LAMA3: variants seen among roughly 807,000 people sequenced by gnomAD.
The protein encoded by LAMA3 is laminin subunit alpha 3, also known as laminin subunit alpha-3.
LAMA3 carries 281 observed loss-of-function variants against 402.0 expected under a neutral mutation model. The ratio of observed to expected loss-of-function variants is 0.70; its 90% CI spans 0.63 to 0.77. The LOEUF is 0.77. Ranked by LOEUF, LAMA3 falls within the 30% of genes least tolerant of loss-of-function variation. The probability of loss-of-function intolerance (pLI) is 0.00; values close to 1 mark genes in which losing one functional copy is unlikely to be tolerated. For synonymous variants in LAMA3, 1,431 were observed against 1,558.4 expected (o/e 0.92, Z 1.93); for missense variants, 3,840 against 4,215.5 (o/e 0.91, Z 2.47).
At chr18:23,941,021 C>T (rs1394092864) in intron 68 of LAMA3, among the ~76,000 whole-genome samples, 3 of 151,598 alleles carry the variant, frequency 2.0e-5, no homozygotes, top group Admixed American at 1.3e-4. Context: ...CTGCAACTTC[C>T]ACCTCCTGGG....
At chr18:23,753,038 G>A (rs984366020) in intron 5 of LAMA3, among the ~76,000 whole-genome samples, 1 of 152,234 alleles carries the variant, frequency 6.6e-6, no homozygotes, top group Admixed American at 6.5e-5. Flanking sequence ...CAGCACTGCA[G>A]AGGCCTCCAA....
Position 23,842,659 on chromosome 18 carries a change from A to G in LAMA3, c.3512A>G (p.Gln1171Arg). Residue 1171 changes from glutamine (Q) to arginine (R), a missense_variant, in exon 29 of 75, where the codon CAA becomes CGA. Physicochemically the swap from Gln to Arg is conservative, Grantham distance 43. Coordinates refer to ENST00000313654, the MANE Select transcript of LAMA3 (RefSeq NM_198129.4). ...CCCCATGTGCTTGGCTGCCGGGATC[A>G]AGTGATTGCCGAAGGCCAGATTGAG... ...FCPHVLGCRD[Q>R]VIAEGQIEFD... 1 of 1,614,140 alleles carries G rather than the reference A, an allele frequency of 6.2e-7. No homozygotes were observed. The highest frequency in any genetic ancestry group is 1.6e-4 in the Middle Eastern group (1 of 6,062).
rs1337550181 is a variant in LAMA3, at chr18:23,840,576, G to A, written c.3336+647G>A. ...TTTTTTTTTAAATTTCTGTAGAGGTGGGATCTTGCTATGTTGCCCAGGTTG... is the reference window on the plus strand; with the variant it reads ...TTTTTTTTTAAATTTCTGTAGAGGTAGGATCTTGCTATGTTGCCCAGGTTG... On this transcript the variant is annotated intron_variant, in intron 27 of 74. Transcript: ENST00000313654. Among the ~76,000 whole-genome samples, 8 of 151,592 alleles carry A rather than the reference G, an allele frequency of 5.3e-5. No homozygotes were observed. In the East Asian group the frequency reaches 1.4e-3, roughly 26 times the overall value.
chr18:23,934,048 G>C (rs187449185), intron 67 of LAMA3, 113 bp downstream of exon 67: 16 of 985,608 alleles, frequency 1.6e-5, no homozygotes, highest in Admixed American at 5.1e-5. Flanking sequence ...CATAAAGTGG[G>C]ATTGATGCAT....
intron 12 of LAMA3, among the ~76,000 whole-genome samples, chr18:23,808,295 T>G (rs1349677310): frequency 1.3e-5 from 2 of 152,130 alleles, no homozygotes; most frequent in African/African-American, 4.8e-5. Flanking sequence ...ATTTCTAGAT[T>G]ACTTATAATA....
At chr18:23,807,634 T>C (rs892553710) in intron 12 of LAMA3, among the ~76,000 whole-genome samples, 6 of 152,046 alleles carry the variant, frequency 3.9e-5, no homozygotes, top group Non-Finnish European at 8.8e-5. Context: ...GCATCTTGAG[T>C]CCAAAGGCAA....
intron 55 of LAMA3, among the ~76,000 whole-genome samples, chr18:23,910,124 A>T (rs112848994): frequency 1.3e-3 from 202 of 152,376 alleles, no homozygotes; most frequent in African/African-American, 4.4e-3. Flanking sequence ...ATAAGAATGT[A>T]TGCTAGCTTT....
intron 1 of LAMA3, among the ~76,000 whole-genome samples, chr18:23,704,155 G>A (rs372526672): frequency 4.0e-4 from 61 of 152,306 alleles, no homozygotes; most frequent in African/African-American, 1.5e-3. Context: ...TTATCTTGCC[G>A]GGCTTTTTGT....
At chr18:23,829,522 G>T (rs900347186) in intron 23 of LAMA3, among the ~76,000 whole-genome samples, 5 of 152,186 alleles carry the variant, frequency 3.3e-5, no homozygotes, top group Non-Finnish European at 5.9e-5. Context: ...TGACACTGAA[G>T]ATAGGAGATT....
Position 23,914,560 on chromosome 18 carries a change from AG to A in LAMA3, c.7481+1del. ...AGTTATGGATCGGGTGAAATTTCAG[AG>A]GTACAAGTCTGATTGACTGTACCTG... ...EAVMDRVKFQ[R>X]IYQFARLNYT... On this transcript the variant is annotated frameshift_variant and splice_region_variant, in exon 57 of 75. Transcript: ENST00000313654. LOFTEE classifies it high-confidence loss of function. 1 of 1,614,054 alleles carries A rather than the reference AG, an allele frequency of 6.2e-7. No homozygotes were observed. Among genetic ancestry groups the A allele is most frequent in the Non-Finnish European group, 8.5e-7 (1 of 1,179,964 alleles).
At chr18:23,746,357 G>A (rs138158893) in intron 2 of LAMA3, among the ~76,000 whole-genome samples, 8 of 152,296 alleles carry the variant, frequency 5.3e-5, no homozygotes, top group Non-Finnish European at 1.0e-4. Context: ...AAGTATGGAT[G>A]AGAACCTGTG....
Position 23,846,458 on chromosome 18 carries a change from G to T in LAMA3, c.3881G>T (p.Arg1294Leu), listed in dbSNP as rs547742221. 6.2e-7 allele frequency: 1 copy of T among 1,613,160 alleles called. No homozygotes were observed. The highest frequency in any genetic ancestry group is 8.5e-7 in the Non-Finnish European group (1 of 1,180,026). ...QCPCQPNVIG[R>L]QCTRCATGHY... Reference sequence around the variant, plus strand: ...CCATGCCAGCCCAACGTCATCGGGCGGCAGTGCACCCGCTGTGCAACAGGC... The same window carrying T: ...CCATGCCAGCCCAACGTCATCGGGCTGCAGTGCACCCGCTGTGCAACAGGC... The change falls in exon 31 of 75, where the codon CGG (arginine) becomes CTG (leucine). Residue 1294 changes from arginine (R) to leucine (L), a missense_variant. Arg to Leu is a moderately radical substitution (Grantham distance 102). Around this residue, in one of 3 missense-constraint regions of LAMA3, gnomAD observed 2,109 missense variants for 2,376.0 expected, o/e 0.89. Transcript: ENST00000313654.
At chr18:23,919,766 C>G (rs1386063063) in intron 60 of LAMA3, among the ~76,000 whole-genome samples, 2 of 151,874 alleles carry the variant, frequency 1.3e-5, no homozygotes, top group Non-Finnish European at 2.9e-5. Context: ...GAGGCAGATG[C>G]CACGCAGCAT....
rs1377035956 is a variant in LAMA3 at position 23,951,721 on chromosome 18, C to T, written c.9680C>T (p.Ser3227Leu). The T allele has an allele frequency of 6.2e-7, 1 of 1,613,940 alleles. No homozygotes were observed. The highest frequency in any genetic ancestry group is 8.5e-7 in the Non-Finnish European group (1 of 1,179,946). The change falls in exon 73 of 75, where the codon TCA becomes TTA. Residue 3227 changes from serine (S) to leucine (L), a missense_variant. Coordinates refer to ENST00000313654, the MANE Select transcript of LAMA3 (RefSeq NM_198129.4). ...ATGGACAGTGGGGCAGGTGGGACCTCAACGTCGGTCACACCAAAGCAGTCT... is the reference window on the plus strand; with the variant it reads ...ATGGACAGTGGGGCAGGTGGGACCTTAACGTCGGTCACACCAAAGCAGTCT... ...ASMDSGAGGTSTSVTPKQSLC... is the reference protein window; with the variant it reads ...ASMDSGAGGTLTSVTPKQSLC...
In LAMA3 at chr18:23,837,067, G is replaced by C. The variant is rs2063597251; in HGVS notation, c.3071G>C (p.Gly1024Ala). Reference sequence around the variant, plus strand: ...GCAGATGCAGACATTCAGCTCAAGGGACACATGGCCCGATTCCTTCTGGTA... The same window carrying C: ...GCAGATGCAGACATTCAGCTCAAGGCACACATGGCCCGATTCCTTCTGGTA... ...LLADADIQLK[G>A]HMARFLLHQV... Residue 1024 changes from glycine (G) to alanine (A), a missense_variant, in exon 25 of 75, where the codon GGA becomes GCA. Around this residue, in one of 3 missense-constraint regions of LAMA3, gnomAD observed 2,109 missense variants for 2,376.0 expected, o/e 0.89. Transcript: ENST00000313654. The C allele has an allele frequency of 6.2e-7, 1 of 1,612,196 alleles. No individual in the cohort carries two copies. Among genetic ancestry groups the C allele is most frequent in the South Asian group, 1.1e-5 (1 of 91,002 alleles).
intron 8 of LAMA3, among the ~76,000 whole-genome samples, chr18:23,770,796 A>G (rs2062183208): frequency 1.3e-5 from 2 of 152,182 alleles, no homozygotes; most frequent in South Asian, 2.1e-4. Context: ...AAAAGAGCTT[A>G]ACATTATTAG....
rs2065010659 is a variant in LAMA3, at chr18:23,884,632, G to T, written c.5223-141G>T. On this transcript the variant is annotated intron_variant, in intron 40 of 74. Coordinates refer to ENST00000313654, the MANE Select transcript of LAMA3 (RefSeq NM_198129.4). ...ATCATTATCTCTCCAAGTCTTGATG[G>T]GCAAAATTTTCTTCACACAAAGTAA... The T allele has an allele frequency of 1.2e-5, 9 of 774,372 alleles. No homozygotes were observed. The South Asian group carries it at 1.4e-4, about 12-fold the overall frequency. 48.0% of individuals were successfully genotyped at this position (774,372 alleles called of 1,614,324 possible).
chr18:23,697,105 A>G (rs1161205913), intron 1 of LAMA3, among the ~76,000 whole-genome samples: 1 of 152,226 alleles, frequency 6.6e-6, no homozygotes, highest in Non-Finnish European at 1.5e-5. Context: ...GAGATTAAAT[A>G]GGAAGGAGGG....
chr18:23,837,451 A>G (rs1309173638), intron 25 of LAMA3: 2 of 218,882 alleles, frequency 9.1e-6, no homozygotes, highest in Non-Finnish European at 1.8e-5. Context: ...TTTCCATCTT[A>G]CTATTTTATT....
Sources: allele counts gnomAD v4.1 joint callset (sites outside exome capture counted in the v4.1 genomes callset), GRCh38; gene constraint gnomAD v4.1.1; regional missense constraint gnomAD v4.1.1; transcripts MANE v1.5; gene names NCBI Gene and HGNC (gene_info 2026-07-23, HGNC 2026-07-21).